The following CNST variants were observed in gnomAD, a reference collection of about 807,000 sequenced individuals.
CNST encodes consortin.
CNST carries 39 observed loss-of-function variants against 72.4 expected under a neutral mutation model. The ratio of observed to expected loss-of-function variants is 0.54; its 90% CI spans 0.42 to 0.70. The LOEUF (loss-of-function observed/expected upper bound fraction) is 0.70, where lower values mean the gene tolerates loss of function less well. Ranked by LOEUF, CNST falls within the 30% of genes least tolerant of loss-of-function variation. The pLI, the probability that CNST is intolerant of heterozygous loss-of-function variation, is 0.00. For missense variants in CNST, 871 were observed against 868.5 expected, an observed-to-expected ratio of 1.00 and a Z score of -0.04; for synonymous variants, 332 against 320.1, an observed-to-expected ratio of 1.04 and a Z score of -0.40.
At chr1:246,590,733 T>C (rs974364611) in intron 1 of CNST, among the ~76,000 whole-genome samples, 1 of 152,100 alleles carries the variant, frequency 6.6e-6, no homozygotes, top group Non-Finnish European at 1.5e-5. Flanking sequence ...TAAGAGGAAA[T>C]AAAAGATGAC....
At chr1:246,580,267 C>T (rs909761369) in intron 1 of CNST, among the ~76,000 whole-genome samples, 4 of 151,790 alleles carry the variant, frequency 2.6e-5, no homozygotes, top group African/African-American at 9.7e-5. Flanking sequence ...AGATTTCATT[C>T]TGGACATATA....
chr1:246,644,413 T>G (rs1665919199), intron 8 of CNST, among the ~76,000 whole-genome samples: 1 of 148,358 alleles, frequency 6.7e-6, no homozygotes, highest in Non-Finnish European at 1.5e-5. Flanking sequence ...AAAAAAAAAT[T>G]GTCTCATTTT....
At chr1:246,664,630 G>A (rs1042284397) in intron 10 of CNST, among the ~76,000 whole-genome samples, 8 of 151,806 alleles carry the variant, frequency 5.3e-5, no homozygotes, top group Admixed American at 1.3e-4. Context: ...GTTTCACCGT[G>A]TCAGCCAGGA....
chr1:246,643,407 G>C (rs542621061), intron 8 of CNST, among the ~76,000 whole-genome samples: 19 of 152,298 alleles, frequency 1.2e-4, no homozygotes, highest in African/African-American at 4.6e-4. Flanking sequence ...CCCAGTTTGG[G>C]TGTGAACGTG....
intron 1 of CNST, among the ~76,000 whole-genome samples, chr1:246,579,356 A>G (rs1178072029): frequency 6.6e-6 from 1 of 152,142 alleles, no homozygotes; most frequent in Admixed American, 6.5e-5. Context: ...TGTGCTTTTC[A>G]CTACCTTATT....
chr1:246,603,863 C>T (rs576850575), intron 2 of CNST, among the ~76,000 whole-genome samples: 1 of 152,190 alleles, frequency 6.6e-6, no homozygotes, highest in African/African-American at 2.4e-5. Context: ...GATGGTTGTA[C>T]AACACAGTAT....
intron 1 of CNST, among the ~76,000 whole-genome samples, chr1:246,578,482 T>A (rs572855833): frequency 6.6e-6 from 1 of 152,014 alleles, no homozygotes; most frequent in East Asian, 1.9e-4. Flanking sequence ...CCATCCTGGC[T>A]AACACGGTGA....
intron 10 of CNST, among the ~76,000 whole-genome samples, chr1:246,665,086 C>T (rs531941596): frequency 1.9e-4 from 29 of 152,136 alleles, no homozygotes; most frequent in African/African-American, 5.1e-4. Flanking sequence ...ATAATGCTGT[C>T]GGGGTGGGCA....
intron 2 of CNST, among the ~76,000 whole-genome samples, chr1:246,619,906 C>CATG (rs1181618310): frequency 2.4e-5 from 3 of 125,578 alleles, no homozygotes; most frequent in African/African-American, 6.3e-5. Context: ...CGGCTTCAGT[C>CATG]GTGCATACAC....
chr1:246,625,326 CCTTT>C lies in CNST; in HGVS notation c.585+3702_585+3705del, dbSNP rs375499313. On this transcript the variant is annotated intron_variant, in intron 3 of 10. Transcript: ENST00000366513. Reference sequence around the variant, plus strand: ...CTATCTGTATCAGTCTTTCTCCGCCCCTTTCTTTCTTTCACACTGACATTTATGA... The same window carrying C: ...CTATCTGTATCAGTCTTTCTCCGCCCCTTTCTTTCACACTGACATTTATGA... 2.6e-3 allele frequency among the ~76,000 whole-genome samples: 395 copies of C among 152,098 alleles called. 3 individuals carry two copies. The highest frequency in any genetic ancestry group is 9.1e-3 in the African/African-American group (377 of 41,510).
chr1:246,624,491 A>G (rs927437589), intron 3 of CNST, among the ~76,000 whole-genome samples: 11 of 152,276 alleles, frequency 7.2e-5, no homozygotes, highest in African/African-American at 2.7e-4. Context: ...TTTAAACTCT[A>G]TTCCTACTGT....
At chr1:246,606,772 A>T (rs1662865517) in intron 2 of CNST, 1 of 152,010 alleles carries the variant, frequency 6.6e-6, no homozygotes, top group South Asian at 2.1e-4. Flanking sequence ...TATCATACGC[A>T]GGGACTCCGA....
At chr1:246,645,502 A>C (rs1665998544) in intron 8 of CNST, among the ~76,000 whole-genome samples, 1 of 139,192 alleles carries the variant, frequency 7.2e-6, no homozygotes, top group South Asian at 2.2e-4. Context: ...ATCTCGGCTC[A>C]CAGCAAGCTC....
Position 246,647,767 on chromosome 1 carries a change from G to A in CNST, c.1566G>A (p.Leu522=). ...GNNQISDLGI[L]LPEVCMAPEE... ...ATCAAATATCTGACTTAGGCATACT[G>A]CTTCCAGAGGTGTGTATGGCCCCAG... The change falls in exon 9 of 11, where the codon CTG becomes CTA. Residue 522 remains leucine (L), a synonymous_variant. Transcript: ENST00000366513. 1.2e-6 allele frequency: 2 copies of A among 1,614,182 alleles called. No individual in the cohort carries two copies. The highest frequency in any genetic ancestry group is 1.7e-6 in the Non-Finnish European group (2 of 1,180,040).
chr1:246,589,731 A>G (rs1661427813), intron 1 of CNST, among the ~76,000 whole-genome samples: 1 of 152,176 alleles, frequency 6.6e-6, no homozygotes, highest in Non-Finnish European at 1.5e-5. Context: ...AGTCCTACCA[A>G]CAGTGTAAAA....
chr1:246,607,149 C>T lies in CNST; in HGVS notation c.380-14280C>T, dbSNP rs975667986. The T allele has an allele frequency of 8.5e-5, 13 of 152,052 alleles. 1 individual carries two copies. Among genetic ancestry groups the T allele is most frequent in the African/African-American group, 3.1e-4 (13 of 41,478 alleles). 9.4% of individuals were successfully genotyped at this position (152,052 alleles called of 1,614,324 possible). A position where few individuals can be genotyped will look rare whatever the true frequency, so the allele number is the denominator to read the frequency against. On this transcript the variant is annotated intron_variant, in intron 2 of 10. Coordinates refer to ENST00000366513, the MANE Select transcript of CNST (RefSeq NM_152609.3). Reference sequence around the variant, plus strand: ...TGCGGCACGATGGGTTTTATCAGTCCACTTGCGGGATATGCACGCCGTCCC... The same window carrying T: ...TGCGGCACGATGGGTTTTATCAGTCTACTTGCGGGATATGCACGCCGTCCC...
chr1:246,567,457 C>T (rs1179257554), intron 1 of CNST, among the ~76,000 whole-genome samples: 1 of 152,008 alleles, frequency 6.6e-6, no homozygotes, highest in Non-Finnish European at 1.5e-5. Flanking sequence ...ATCCTTACCA[C>T]CAAGGCAAGA....
In CNST at chr1:246,645,799, T is replaced by C. The variant is rs187455407; in HGVS notation, c.938-1340T>C. 3.5e-3 allele frequency among the ~76,000 whole-genome samples: 527 copies of C among 152,322 alleles called. 10 individuals carry two copies. Among genetic ancestry groups the C allele is most frequent in the Admixed American group, 0.032 (484 of 15,306 alleles). On this transcript the variant is annotated intron_variant, in intron 8 of 10. Transcript: ENST00000366513. ...TAAAGCGAGGATAAGCAAGCTTCTC[T>C]GTTACCTACCCATCCATGCACTTCT...
intron 5 of CNST, 82 bp from the exon 6 acceptor site, chr1:246,634,391 G>T (rs546430147): frequency 2.7e-6 from 2 of 733,160 alleles, no homozygotes; most frequent in Non-Finnish European, 4.5e-6. Context: ...TTTATGAGTG[G>T]TGCTAGTTAA....
Sources: allele counts gnomAD v4.1 joint callset (sites outside exome capture counted in the v4.1 genomes callset), GRCh38; gene constraint gnomAD v4.1.1; transcripts MANE v1.5; gene names NCBI Gene and HGNC (gene_info 2026-07-23, HGNC 2026-07-21).